The following ACAP2 variants were observed in gnomAD, a reference collection of about 807,000 sequenced individuals.
ACAP2 encodes arf-GAP with coiled-coil, ANK repeat and PH domain-containing protein 2.
ACAP2 carries 39 observed loss-of-function variants against 115.8 expected under a neutral mutation model. The observed-to-expected ratio is 0.34, with a 90% CI of 0.26 to 0.44. The LOEUF is 0.44. ACAP2 is among the 20% of genes least tolerant of loss of function. The pLI, the probability that ACAP2 is intolerant of heterozygous loss-of-function variation, is 1.00. For synonymous variants in ACAP2, 289 were observed against 315.8 expected, an observed-to-expected ratio of 0.92 and a Z score of 0.90; for missense variants, 662 against 927.6, an observed-to-expected ratio of 0.71 and a Z score of 3.72.
intron 21 of ACAP2, among the ~76,000 whole-genome samples, chr3:195,286,140 G>A (rs1380224970): frequency 6.6e-6 from 1 of 152,162 alleles, no homozygotes; most frequent in Non-Finnish European, 1.5e-5. Flanking sequence ...GCTTCCTCCA[G>A]ATGCCTGACA....
chr3:195,419,353 A>C (rs1713990651), intron 1 of ACAP2: 1 of 152,180 alleles, frequency 6.6e-6, no homozygotes, highest in Non-Finnish European at 1.5e-5. Flanking sequence ...GTGCTCTCCA[A>C]ATACATAGGA....
At chr3:195,375,797 G>A (rs1733489236) in intron 4 of ACAP2, among the ~76,000 whole-genome samples, 1 of 152,184 alleles carries the variant, frequency 6.6e-6, no homozygotes, top group South Asian at 2.1e-4. Flanking sequence ...AACAGAGCAA[G>A]ACCCTGTCTC....
Position 195,424,283 on chromosome 3 carries a change from ATTT to A in ACAP2, c.53+18509_53+18511del, listed in dbSNP as rs1162275706. On this transcript the variant is annotated intron_variant, in intron 1 of 22. Coordinates refer to ENST00000326793, the MANE Select transcript of ACAP2 (RefSeq NM_012287.6). ...TGTGTATATATATATATATATATAT[ATTT>A]TTTTTTTTTTTTTTTTTTTTTTTTT... Among the ~76,000 whole-genome samples the A allele has an allele frequency of 8.4e-3, 456 of 53,972 alleles. 6 individuals carry two copies. Among genetic ancestry groups the A allele is most frequent in the Non-Finnish European group, 0.01 (327 of 32,156 alleles). The allele number at this position is 53,972 out of a possible 152,430, so 35.4% of individuals were successfully genotyped here.
intron 1 of ACAP2, among the ~76,000 whole-genome samples, chr3:195,398,545 G>A (rs1370800624): frequency 6.6e-6 from 1 of 151,908 alleles, no homozygotes; most frequent in Non-Finnish European, 1.5e-5. Flanking sequence ...GCTGAGGCAG[G>A]AGAATCACTT....
At chr3:195,435,861 T>C (rs1715496830) in intron 1 of ACAP2, among the ~76,000 whole-genome samples, 1 of 152,164 alleles carries the variant, frequency 6.6e-6, no homozygotes, top group Admixed American at 6.5e-5. Context: ...AACTAGTAAG[T>C]CTTCTTGGTT....
At chr3:195,391,398 A>AT (rs1232028189) in intron 2 of ACAP2, among the ~76,000 whole-genome samples, 2 of 151,616 alleles carry the variant, frequency 1.3e-5, no homozygotes, top group Non-Finnish European at 2.9e-5. Context: ...CTAATTTTGT[A>AT]TTTTTTTAGT....
chr3:195,426,581 A>C (rs991534738), intron 1 of ACAP2, among the ~76,000 whole-genome samples: 4 of 152,208 alleles, frequency 2.6e-5, no homozygotes, highest in Admixed American at 1.3e-4. Flanking sequence ...ACAACTTCAC[A>C]GAATATACGA....
chr3:195,434,812 G>A (rs948339596), intron 1 of ACAP2, among the ~76,000 whole-genome samples: 3 of 151,982 alleles, frequency 2.0e-5, no homozygotes, highest in African/African-American at 4.8e-5. Context: ...TTCTTGAGTC[G>A]GTTTCAGTAG....
chr3:195,397,039 G>A (rs181443396), intron 1 of ACAP2, among the ~76,000 whole-genome samples: 78 of 152,100 alleles, frequency 5.1e-4, no homozygotes, highest in African/African-American at 1.6e-3. Context: ...CATTAAAGGT[G>A]GATTTCAGGC....
chr3:195,285,740 T>A, intron 22 of ACAP2, 56 bp downstream of exon 22: 1 of 1,378,834 alleles, frequency 7.3e-7, no homozygotes, highest in Non-Finnish European at 1.0e-6. Context: ...AACTGATAAA[T>A]TCCTGAATGC....
At chr3:195,300,368 T>A (rs1183570252) in intron 15 of ACAP2, among the ~76,000 whole-genome samples, 2 of 152,116 alleles carry the variant, frequency 1.3e-5, no homozygotes, top group Admixed American at 6.5e-5. Flanking sequence ...CAGAAACAAA[T>A]GAGCATATAC....
chr3:195,433,575 G>A (rs1221261921), intron 1 of ACAP2, among the ~76,000 whole-genome samples: 1 of 152,052 alleles, frequency 6.6e-6, no homozygotes, highest in Non-Finnish European at 1.5e-5. Flanking sequence ...GTTAGCTGAG[G>A]GTGTTTTAAA....
chr3:195,313,138 G>T (rs973270101), intron 10 of ACAP2, among the ~76,000 whole-genome samples: 1 of 152,180 alleles, frequency 6.6e-6, no homozygotes, highest in Non-Finnish European at 1.5e-5. Context: ...AGTATCTGTT[G>T]CATTTTATTA....
chr3:195,329,332 A>G (rs1047792194), intron 8 of ACAP2, among the ~76,000 whole-genome samples: 7 of 152,136 alleles, frequency 4.6e-5, no homozygotes, highest in African/African-American at 1.7e-4. Flanking sequence ...TTGTGTTAGT[A>G]CTGGACATTA....
intron 1 of ACAP2, among the ~76,000 whole-genome samples, chr3:195,392,612 C>T (rs1734754028): frequency 2.0e-5 from 3 of 152,100 alleles, no homozygotes. Context: ...TTAATCAGTA[C>T]CTAAGACTAA....
intron 1 of ACAP2, among the ~76,000 whole-genome samples, chr3:195,412,106 C>T (rs1338510744): frequency 2.3e-5 from 3 of 132,788 alleles, no homozygotes; most frequent in South Asian, 2.5e-4. Context: ...AGGAGGATTG[C>T]TTGAAGCCAG....
intron 10 of ACAP2, among the ~76,000 whole-genome samples, chr3:195,313,301 C>T (rs1010472367): frequency 6.6e-6 from 1 of 152,142 alleles, no homozygotes; most frequent in African/African-American, 2.4e-5. Context: ...TTATTTTCTG[C>T]CTCAATGGTC....
chr3:195,417,078 A>ATT lies in ACAP2; in HGVS notation c.54-24933_54-24932dup, dbSNP rs11293878. The stretch of plus-strand genomic sequence containing the variant: ...AGCTGGGCATCACAATGCCTGGCTA[A>ATT]TTTTTTTTTTTTTTTTTTTTTTTTT... On this transcript the variant is annotated intron_variant, in intron 1 of 22. Transcript: ENST00000326793. 5.4e-3 allele frequency among the ~76,000 whole-genome samples: 590 copies of ATT among 109,520 alleles called. 10 individuals carry two copies. The highest frequency in any genetic ancestry group is 0.021 in the African/African-American group (543 of 25,760). The allele number at this position is 109,520 out of a possible 152,430, so 71.8% of individuals were successfully genotyped here.
At chr3:195,392,903 T>C (rs1734772182) in intron 1 of ACAP2, among the ~76,000 whole-genome samples, 1 of 152,212 alleles carries the variant, frequency 6.6e-6, no homozygotes, top group Non-Finnish European at 1.5e-5. Context: ...CTTTAAGTCA[T>C]TTATGCCATT....
Sources: allele counts gnomAD v4.1 joint callset (sites outside exome capture counted in the v4.1 genomes callset), GRCh38; gene constraint gnomAD v4.1.1; transcripts MANE v1.5; gene names NCBI Gene and HGNC (gene_info 2026-07-23, HGNC 2026-07-21).